IGSF10: variants seen among roughly 807,000 people sequenced by gnomAD.
IGSF10 encodes immunoglobulin superfamily member 10.
IGSF10 carries 126 observed loss-of-function variants against 128.2 expected under a neutral mutation model. The ratio of observed to expected loss-of-function variants is 0.98; its 90% CI spans 0.85 to 1.14. The LOEUF (loss-of-function observed/expected upper bound fraction) is 1.14. Ranked by LOEUF, IGSF10 falls within the 50% of genes most tolerant of loss-of-function variation. The pLI is 0.00. For missense variants in IGSF10, 3,295 were observed against 3,149.8 expected, an observed-to-expected ratio of 1.05 and a Z score of -1.10; for synonymous variants, 1,185 against 1,146.2, an observed-to-expected ratio of 1.03 and a Z score of -0.68.
the IGSF10 span, among the ~76,000 whole-genome samples, chr3:151,514,297 G>A: frequency 2.0e-5 from 3 of 152,028 alleles, no homozygotes; most frequent in Non-Finnish European, 4.4e-5. Context: ...ACAGAACAGA[G>A]CCCTCAGAAA....
In IGSF10 at chr3:151,458,555, G is replaced by C. The variant is rs1721911745; in HGVS notation, c.155C>G (p.Pro52Arg). The change falls in exon 3 of 8, where the codon CCA becomes CGA. Residue 52 changes from proline to arginine, a missense_variant. Transcript: ENST00000282466. ...HCTFRYLTSI[P>R]DSIPPNVERI... ...TTCCACATTGGGCGGGATGCTGTCT[G>C]GGATGGAAGTCAGGTACCGAAATGT... The C allele has an allele frequency of 1.2e-6, 2 of 1,614,068 alleles. No homozygotes were observed. Among genetic ancestry groups the C allele is most frequent in the South Asian group, 1.1e-5 (1 of 91,056 alleles).
intron 1 of IGSF10, among the ~76,000 whole-genome samples, 195 bp downstream of exon 1, chr3:151,460,751 G>T (rs1435355909): frequency 6.6e-6 from 1 of 150,516 alleles, no homozygotes; most frequent in Non-Finnish European, 1.5e-5. Flanking sequence ...TTTTTGCCTG[G>T]CACCAGTCAC....
downstream of IGSF10, chr3:151,433,833 G>A (rs1186881183): frequency 6.6e-6 from 1 of 152,572 alleles, no homozygotes; most frequent in Non-Finnish European, 1.5e-5. Context: ...AATTATTACT[G>A]TCAGTGTCAG....
the IGSF10 span, among the ~76,000 whole-genome samples, chr3:151,515,543 A>C: frequency 0.039 from 5,885 of 151,488 alleles, 382 homozygotes; most frequent in African/African-American, 0.14. Context: ...TGGGTGCAGC[A>C]CACCAACATG....
At chr3:151,575,576 T>C in the IGSF10 span, among the ~76,000 whole-genome samples, 6 of 152,206 alleles carry the variant, frequency 3.9e-5, no homozygotes, top group Non-Finnish European at 8.8e-5. Flanking sequence ...CTAAGACCAT[T>C]GGAAAAGCAC....
chr3:151,472,945 G>A, the IGSF10 span, among the ~76,000 whole-genome samples: 1 of 152,046 alleles, frequency 6.6e-6, no homozygotes. Flanking sequence ...TTGGGTCCAC[G>A]TCTCACAACT....
chr3:151,443,892 G>A lies in IGSF10; in HGVS notation c.5063-8C>T, dbSNP rs775785692. The A allele has an allele frequency of 6.4e-7, 1 of 1,556,096 alleles. No individual in the cohort carries two copies. The highest frequency in any genetic ancestry group is 8.7e-7 in the Non-Finnish European group (1 of 1,151,028). ...TCTTAGATAAATCAAGTCCTGAGAA[G>A]AAAAAAAGAAAATTATTGCTACGGG... is the stretch of plus-strand genomic sequence containing the variant. On this transcript the variant is annotated splice_polypyrimidine_tract_variant and splice_region_variant and intron_variant, in intron 6 of 7. Transcript: ENST00000282466.
the IGSF10 span, among the ~76,000 whole-genome samples, chr3:151,592,601 A>C: frequency 5.3e-4 from 80 of 152,264 alleles, 1 homozygote; most frequent in South Asian, 1.0e-3. Context: ...TCTTTGTCTC[A>C]ATGGGAGATA....
the IGSF10 span, among the ~76,000 whole-genome samples, chr3:151,540,638 C>T: frequency 1.3e-5 from 2 of 152,260 alleles, no homozygotes; most frequent in South Asian, 4.2e-4. Flanking sequence ...CTATGTACTT[C>T]TGTTGACTCT....
the IGSF10 span, among the ~76,000 whole-genome samples, chr3:151,468,877 TG>T: frequency 1.6e-4 from 24 of 152,332 alleles, no homozygotes; most frequent in African/African-American, 5.8e-4. Context: ...TTTATCCTGA[TG>T]CTCTCCCTCC....
chr3:151,617,335 CCCTCCT>C, the IGSF10 span, among the ~76,000 whole-genome samples: 2 of 78,506 alleles, frequency 2.5e-5, no homozygotes, highest in African/African-American at 5.3e-5. Flanking sequence ...CTCCTCCTCC[CCCTCCT>C]CCTCCTCCTC....
At chr3:151,619,872 T>C in the IGSF10 span, among the ~76,000 whole-genome samples, 2 of 152,116 alleles carry the variant, frequency 1.3e-5, no homozygotes, top group Non-Finnish European at 1.5e-5. Flanking sequence ...GTCTGTTGTA[T>C]AGTCAGTTTG....
Position 151,438,008 on chromosome 3 carries a change from A to C in IGSF10, c.6553T>G (p.Phe2185Val), listed in dbSNP as rs758041220. The C allele has an allele frequency of 1.2e-6, 2 of 1,614,128 alleles. No homozygotes were observed. The highest frequency in any genetic ancestry group is 2.7e-5 in the African/African-American group (2 of 74,952). Residue 2185 changes from phenylalanine to valine, a missense_variant, in exon 8 of 8, where the codon TTC becomes GTC. Physicochemically the swap from Phe to Val is conservative, Grantham distance 50. Transcript: ENST00000282466. ...WLLPSNDMIS[F>V]SIDRYTFHAN... is the part of the protein sequence containing the mutation. ...TGAAATGTGTACCTATCAATGGAGAAGGAAATCATGTCATTGGAAGGCAGC... is the reference window on the plus strand; with the variant it reads ...TGAAATGTGTACCTATCAATGGAGACGGAAATCATGTCATTGGAAGGCAGC...
chr3:151,446,917 T>C lies in IGSF10; in HGVS notation c.3064A>G (p.Ile1022Val). Residue 1022 changes from isoleucine (I) to valine (V), a missense_variant, in exon 6 of 8, where the codon ATT becomes GTT. Transcript: ENST00000282466. ...ACTGGAGTTCTATATGGGCTGATAA[T>C]CCGCCCCCTTCCGCCAATTTTCCTC... ...RQRKIGGRGRIISPYRTPVLR... is the reference protein window; with the variant it reads ...RQRKIGGRGRVISPYRTPVLR... 6.2e-7 allele frequency: 1 copy of C among 1,614,206 alleles called. No individual in the cohort carries two copies. Among genetic ancestry groups the C allele is most frequent in the Non-Finnish European group, 8.5e-7 (1 of 1,180,016 alleles).
At chr3:151,440,859 C>T in intron 7 of IGSF10, 1 of 275,034 alleles carries the variant, frequency 3.6e-6, no homozygotes. Flanking sequence ...GATCCCTCAT[C>T]AGCTGCATTA....
Position 151,436,302 on chromosome 3 carries a change from A to G in IGSF10, c.*387T>C, listed in dbSNP as rs1198081769. The G allele has an allele frequency of 1.9e-5, 3 of 160,322 alleles. No individual in the cohort carries two copies. Among genetic ancestry groups the G allele is most frequent in the Non-Finnish European group, 2.7e-5 (2 of 72,822 alleles). 9.9% of individuals were successfully genotyped at this position (160,322 alleles called of 1,614,324 possible). A position where few individuals can be genotyped will look rare whatever the true frequency, so the allele number is the denominator to read the frequency against. ...AAAGATTGCAGATTTAATATTTTCC[A>G]TTGTCTCTGTTCTGAGTGCCATGCT... On this transcript the variant is annotated 3_prime_UTR_variant, in exon 8 of 8. Transcript: ENST00000282466.
the IGSF10 span, among the ~76,000 whole-genome samples, chr3:151,467,655 T>G: frequency 2.6e-5 from 4 of 151,740 alleles, no homozygotes; most frequent in South Asian, 8.4e-4. Context: ...GAGGCCGAGG[T>G]GGGTGGATCA....
the IGSF10 span, among the ~76,000 whole-genome samples, chr3:151,571,800 G>A: frequency 6.6e-6 from 1 of 152,160 alleles, no homozygotes; most frequent in Non-Finnish European, 1.5e-5. Flanking sequence ...TCTTGTGCCA[G>A]TTTTCAAAGG....
chr3:151,511,009 C>T, the IGSF10 span, among the ~76,000 whole-genome samples: 4 of 152,064 alleles, frequency 2.6e-5, no homozygotes, highest in East Asian at 1.9e-4. Context: ...GAAAGTGATG[C>T]GGAGAATGGA....
Sources: allele counts gnomAD v4.1 joint callset (sites outside exome capture counted in the v4.1 genomes callset), GRCh38; gene constraint gnomAD v4.1.1; transcripts MANE v1.5; gene names NCBI Gene and HGNC (gene_info 2026-07-23, HGNC 2026-07-21).